Variants in DGKI observed in about 807,000 individuals in gnomAD.
DGKI encodes the protein DAG kinase iota.
A neutral mutation model predicts 147.5 loss-of-function variants in DGKI; 55 were observed. The ratio of observed to expected loss-of-function variants is 0.37; its 90% confidence interval spans 0.30 to 0.47. DGKI has a LOEUF of 0.47. Ranked by LOEUF, DGKI falls within the 20% of genes least tolerant of loss-of-function variation. The pLI, the probability that DGKI is intolerant of heterozygous loss-of-function variation, is 1.00. For missense variants in DGKI, 1,007 were observed against 1,323.8 expected, an observed-to-expected ratio of 0.76 and a Z score of 3.71; for synonymous variants, 469 against 477.1, an observed-to-expected ratio of 0.98 and a Z score of 0.22.
Position 137,803,053 on chromosome 7 carries a change from A to T in DGKI, c.401+43409T>A, listed in dbSNP as rs1797261941. Among the ~76,000 whole-genome samples, 6 of 152,236 alleles carry T rather than the reference A, an allele frequency of 3.9e-5. No individual in the cohort carries two copies. In the South Asian group the frequency reaches 1.2e-3, roughly 32 times the overall value. On this transcript the variant is annotated intron_variant, in intron 1 of 32. Transcript: ENST00000614521. ...TGCAAATATTAACACTACAAAAGGG[A>T]ATCCAGAGGAAAGGCCAGGGCAGGT...
At chr7:137,665,157 CT>C (rs1280808067) in intron 3 of DGKI, among the ~76,000 whole-genome samples, 1 of 152,042 alleles carries the variant, frequency 6.6e-6, no homozygotes, top group Non-Finnish European at 1.5e-5. Context: ...AAGACACTGG[CT>C]TTTTTTCCTG....
At chr7:137,568,752 T>C (rs1481509370) in intron 19 of DGKI, among the ~76,000 whole-genome samples, 1 of 152,178 alleles carries the variant, frequency 6.6e-6, no homozygotes. Flanking sequence ...AGCTCAAGAA[T>C]TGGTTTCTCA....
At chr7:137,596,001 C>CAAAAAAAAAAAAAAAAA (rs71177914) in intron 12 of DGKI, among the ~76,000 whole-genome samples, 166 of 44,414 alleles carry the variant, frequency 3.7e-3, no homozygotes, top group Non-Finnish European at 5.0e-3. Context: ...GACTCCGTCT[C>CAAAAAAAAAAAAAAAAA]AAAAAAAAAA....
intron 1 of DGKI, among the ~76,000 whole-genome samples, chr7:137,775,212 A>C (rs530064456): frequency 6.6e-6 from 1 of 152,260 alleles, no homozygotes; most frequent in South Asian, 2.1e-4. Flanking sequence ...CAGTCCAAAG[A>C]TTAAGTCACG....
chr7:137,470,754 C>T lies in DGKI; in HGVS notation c.2374-1135G>A, dbSNP rs1017533855. Reference sequence around the variant, plus strand: ...ATCTTCTTAAACTCTCCTTTCTTGCCCTTCCAAACTCCTGAAGCTTATGTT... The same window carrying T: ...ATCTTCTTAAACTCTCCTTTCTTGCTCTTCCAAACTCCTGAAGCTTATGTT... On this transcript the variant is annotated intron_variant, in intron 23 of 32. Transcript: ENST00000614521. Among the ~76,000 whole-genome samples, 78 of 152,060 alleles carry T rather than the reference C, an allele frequency of 5.1e-4. 1 individual carries two copies. The highest frequency in any genetic ancestry group is 5.1e-3 in the Admixed American group (78 of 15,270).
At chr7:137,693,151 G>T (rs1823667788) in intron 1 of DGKI, among the ~76,000 whole-genome samples, 1 of 152,080 alleles carries the variant, frequency 6.6e-6, no homozygotes, top group Non-Finnish European at 1.5e-5. Flanking sequence ...TTATCTTGCT[G>T]GTAGATGACG....
At chr7:137,845,003 T>G (rs1485241939) in intron 1 of DGKI, among the ~76,000 whole-genome samples, 2 of 152,204 alleles carry the variant, frequency 1.3e-5, no homozygotes, top group Non-Finnish European at 2.9e-5. Flanking sequence ...TGTCCTAGCA[T>G]ACCTCCCTAG....
rs182682463 is a variant in DGKI, at chr7:137,536,056, T to A, written c.2148-14090A>T. ...TGCAACACTCAGAATTGAACTGTTA[T>A]TCTTCATAATCAAGTTTCTTTTAAA... is the stretch of plus-strand genomic sequence containing the variant. On this transcript the variant is annotated intron_variant, in intron 20 of 32. Transcript: ENST00000614521. Among the ~76,000 whole-genome samples, 10 of 152,294 alleles carry A rather than the reference T, an allele frequency of 6.6e-5. No individual in the cohort carries two copies. The East Asian group carries it at 1.9e-3, about 29-fold the overall frequency.
chr7:137,551,261 ATCCTG>A (rs963300895), intron 20 of DGKI, among the ~76,000 whole-genome samples: 1 of 152,170 alleles, frequency 6.6e-6, no homozygotes, highest in Non-Finnish European at 1.5e-5. Flanking sequence ...GCACTGTCTA[ATCCTG>A]TTCCTCAACC....
In DGKI at chr7:137,846,767, GC is replaced by G. The variant is rs1006168003; in HGVS notation, c.95del (p.Ser32ThrfsTer22). ...APAAAAAAAA[S>X]PPGPCSGAAC... ...CGGCGCCGCTGCAGGGGCCGGGCGG[GC>G]TGGCGGCGGCGGCGGCGGCGGCTGC... On this transcript the variant is annotated frameshift_variant, in exon 1 of 33. Transcript: ENST00000614521. LOFTEE classifies it high-confidence loss of function. The surrounding 1 kb of genome is among the most constrained non-coding windows in gnomAD (Gnocchi z 4.0). The G allele has an allele frequency of 4.8e-5, 50 of 1,046,184 alleles. No individual in the cohort carries two copies. Among genetic ancestry groups the G allele is most frequent in the Non-Finnish European group, 5.5e-5 (48 of 871,390 alleles). The allele number at this position is 1,046,184 out of a possible 1,614,324, so 64.8% of individuals were successfully genotyped here. A position where few individuals can be genotyped will look rare whatever the true frequency, so the allele number is the denominator to read the frequency against.
intron 12 of DGKI, among the ~76,000 whole-genome samples, chr7:137,593,059 T>TGGG (rs1381878928): frequency 6.6e-6 from 1 of 152,160 alleles, no homozygotes; most frequent in Non-Finnish European, 1.5e-5. Context: ...AGTCAGGGCA[T>TGGG]GGGGATGTCT....
At chr7:137,591,532 G>A (rs697597) in intron 12 of DGKI, among the ~76,000 whole-genome samples, 2 of 152,074 alleles carry the variant, frequency 1.3e-5, no homozygotes, top group Non-Finnish European at 2.9e-5. Flanking sequence ...CAGCATTCCC[G>A]GAAGACAGCA....
rs899568321 is a variant in DGKI at position 137,383,594 on chromosome 7, G to C, written c.*7626C>G. On this transcript the variant is annotated 3_prime_UTR_variant, in exon 33 of 33. Coordinates refer to ENST00000614521, the MANE Select transcript of DGKI (RefSeq NM_001321708.2). The stretch of plus-strand genomic sequence containing the variant: ...AGATATGCCTTTGATCTCTGAGTTA[G>C]TTGTTCAATCTTCACTTAACTACTA... 1.8e-4 allele frequency: 28 copies of C among 151,896 alleles called. No homozygotes were observed. Among genetic ancestry groups the C allele is most frequent in the Admixed American group, 1.7e-3 (26 of 15,220 alleles). The allele number at this position is 151,896 out of a possible 1,614,324, so 9.4% of individuals were successfully genotyped here.
intron 20 of DGKI, among the ~76,000 whole-genome samples, chr7:137,534,488 A>T (rs1327148576): frequency 6.6e-6 from 1 of 152,124 alleles, no homozygotes; most frequent in Non-Finnish European, 1.5e-5. Context: ...TTAGGAATTC[A>T]GATTTGAACA....
At chr7:137,819,034 G>A (rs1044933674) in intron 1 of DGKI, among the ~76,000 whole-genome samples, 4 of 152,148 alleles carry the variant, frequency 2.6e-5, no homozygotes, top group African/African-American at 9.7e-5. Context: ...TACAGGTGAT[G>A]ATCCTAAGGC....
chr7:137,662,784 T>C (rs920560324), intron 3 of DGKI, among the ~76,000 whole-genome samples: 5 of 152,170 alleles, frequency 3.3e-5, no homozygotes, highest in African/African-American at 4.8e-5. Flanking sequence ...TTGTAAAGAC[T>C]CCATGTGTTT....
intron 1 of DGKI, among the ~76,000 whole-genome samples, chr7:137,728,943 G>A (rs371263772): frequency 6.6e-5 from 10 of 152,202 alleles, no homozygotes; most frequent in African/African-American, 2.4e-4. Flanking sequence ...ATATTTTGGA[G>A]TTCTTGGGTG....
intron 1 of DGKI, among the ~76,000 whole-genome samples, chr7:137,720,413 G>A (rs1401013888): frequency 5.3e-5 from 8 of 151,642 alleles, no homozygotes; most frequent in Admixed American, 1.3e-4. Flanking sequence ...GCCTGCCATC[G>A]CGCCTGGCTA....
intron 1 of DGKI, among the ~76,000 whole-genome samples, chr7:137,794,574 G>A (rs1423975859): frequency 6.6e-6 from 1 of 152,232 alleles, no homozygotes; most frequent in East Asian, 1.9e-4. Flanking sequence ...AAAGTCTGGA[G>A]TGGGACCTGA....
Sources: allele counts gnomAD v4.1 joint callset (sites outside exome capture counted in the v4.1 genomes callset), GRCh38; gene constraint gnomAD v4.1.1; non-coding constraint Gnocchi (gnomAD v3.1); transcripts MANE v1.5; gene names NCBI Gene and HGNC (gene_info 2026-07-23, HGNC 2026-07-21).